The following MACROD2 variants were observed in gnomAD, a reference collection of about 807,000 sequenced individuals.
MACROD2 encodes the protein ADP-ribose glycohydrolase MACROD2.
MACROD2 carries 36 observed loss-of-function variants against 70.4 expected under a neutral mutation model. That is an observed-to-expected ratio of 0.51 (90% CI 0.39 to 0.68). The LOEUF is 0.68. MACROD2 is among the 30% of genes least tolerant of loss of function. The probability of loss-of-function intolerance (pLI) is 0.00; values close to 1 mark genes in which losing one functional copy is unlikely to be tolerated. For missense variants in MACROD2, 496 were observed against 538.4 expected, an observed-to-expected ratio of 0.92 and a Z score of 0.78; for synonymous variants, 172 against 178.8, an observed-to-expected ratio of 0.96 and a Z score of 0.30.
At chr20:15,507,091 A>G (rs967159431) in intron 8 of MACROD2, among the ~76,000 whole-genome samples, 2 of 152,220 alleles carry the variant, frequency 1.3e-5, no homozygotes, top group African/African-American at 4.8e-5. Context: ...AGGTGGAGCC[A>G]TGACACTCAT....
At chr20:15,299,116 C>A (rs1256027023) in intron 6 of MACROD2, among the ~76,000 whole-genome samples, 1 of 152,100 alleles carries the variant, frequency 6.6e-6, no homozygotes, top group East Asian at 1.9e-4. Flanking sequence ...GGTTTGCTGT[C>A]TGGTTATTTT....
At chr20:14,361,328 T>C (rs2083219807) in intron 3 of MACROD2, among the ~76,000 whole-genome samples, 1 of 152,180 alleles carries the variant, frequency 6.6e-6, no homozygotes, top group Non-Finnish European at 1.5e-5. Context: ...AGGGGTTAGT[T>C]TACCACTGTG....
At chr20:15,234,478 A>G (rs1218995833) in intron 6 of MACROD2, among the ~76,000 whole-genome samples, 1 of 152,098 alleles carries the variant, frequency 6.6e-6, no homozygotes, top group East Asian at 1.9e-4. Flanking sequence ...GGGAGCCTAC[A>G]GATTTTCTCT....
intron 12 of MACROD2, among the ~76,000 whole-genome samples, chr20:15,964,935 T>C (rs2066117770): frequency 6.6e-6 from 1 of 152,210 alleles, no homozygotes. Flanking sequence ...TTCACATACG[T>C]GACAGTGAAC....
At position 15,198,549 on chromosome 20, in the gene MACROD2, C is replaced by T. The variant is rs138872669; in HGVS notation, c.419-31391C>T. On this transcript the variant is annotated intron_variant, in intron 5 of 17. Transcript: ENST00000684519. ...AGAGATCACTGGATATACAACTGAG[C>T]GTCTTCATGTTTTCAATAAAATACT... Among the ~76,000 whole-genome samples the T allele has an allele frequency of 2.6e-3, 398 of 152,090 alleles. 2 individuals are homozygous for T. The highest frequency in any genetic ancestry group is 8.7e-3 in the African/African-American group (362 of 41,488).
At chr20:15,215,252 T>TTGTG (rs376439581) in intron 5 of MACROD2, among the ~76,000 whole-genome samples, 7,013 of 135,476 alleles carry the variant, frequency 0.052, 243 homozygotes, top group African/African-American at 0.1. Context: ...CTCCTGTATT[T>TTGTG]TGTGTGTGTG....
At chr20:15,137,181 C>G (rs1601123813) in intron 5 of MACROD2, among the ~76,000 whole-genome samples, 1 of 149,132 alleles carries the variant, frequency 6.7e-6, no homozygotes. Flanking sequence ...ACTAGAAATA[C>G]CATTTGACCC....
At chr20:14,685,481 T>C (rs1843473498) in intron 5 of MACROD2, among the ~76,000 whole-genome samples, 1 of 152,230 alleles carries the variant, frequency 6.6e-6, no homozygotes. Flanking sequence ...TGGTTGTCAG[T>C]GTGAGAATGT....
At chr20:14,479,671 GAGGAACC>G (rs1257505038) in intron 3 of MACROD2, among the ~76,000 whole-genome samples, 2 of 152,074 alleles carry the variant, frequency 1.3e-5, no homozygotes, top group African/African-American at 4.8e-5. Context: ...TGGGTGGGAG[GAGGAACC>G]AGAAAAAACA....
chr20:15,652,711 T>C (rs1173243873), intron 8 of MACROD2, among the ~76,000 whole-genome samples: 3 of 152,160 alleles, frequency 2.0e-5, no homozygotes, highest in African/African-American at 7.2e-5. Context: ...CTTTGACTTT[T>C]GTGGTTTCCT....
intron 8 of MACROD2, among the ~76,000 whole-genome samples, chr20:15,575,708 C>A (rs1315178233): frequency 6.6e-6 from 1 of 152,152 alleles, no homozygotes; most frequent in Non-Finnish European, 1.5e-5. Context: ...GGAAGCATAT[C>A]ATGCCCTGAG....
intron 6 of MACROD2, among the ~76,000 whole-genome samples, chr20:15,396,516 G>T (rs1568774960): frequency 6.6e-6 from 1 of 152,134 alleles, no homozygotes; most frequent in Non-Finnish European, 1.5e-5. Flanking sequence ...TCTTAGAAGA[G>T]GAAGGACAAT....
intron 3 of MACROD2, among the ~76,000 whole-genome samples, chr20:14,416,246 C>T (rs1188667886): frequency 6.6e-5 from 10 of 152,072 alleles, no homozygotes; most frequent in African/African-American, 9.7e-5. Context: ...CGTGAGCCAC[C>T]GCACCCATCC....
intron 3 of MACROD2, among the ~76,000 whole-genome samples, chr20:14,241,377 G>A (rs1237004448): frequency 1.3e-5 from 2 of 152,138 alleles, no homozygotes; most frequent in African/African-American, 4.8e-5. Flanking sequence ...TTTTCATTCA[G>A]ATTGGTGTGT....
At chr20:15,299,806 C>T (rs1434531289) in intron 6 of MACROD2, among the ~76,000 whole-genome samples, 2 of 152,148 alleles carry the variant, frequency 1.3e-5, no homozygotes, top group African/African-American at 2.4e-5. Context: ...ACTGCTGGGT[C>T]CAGACATGGA....
chr20:15,895,147 G>C (rs780788412), intron 10 of MACROD2, among the ~76,000 whole-genome samples: 10 of 152,150 alleles, frequency 6.6e-5, no homozygotes, highest in South Asian at 2.1e-4. Context: ...AATTAAAGAA[G>C]GGAATTCTTC....
chr20:14,920,943 C>A (rs1019534808), intron 5 of MACROD2, among the ~76,000 whole-genome samples: 3 of 152,130 alleles, frequency 2.0e-5, no homozygotes, highest in African/African-American at 7.2e-5. Context: ...ATCCTTAACT[C>A]TTCAAAATGT....
chr20:14,164,544 G>T (rs1218367584), intron 3 of MACROD2, among the ~76,000 whole-genome samples: 1 of 152,132 alleles, frequency 6.6e-6, no homozygotes, highest in Non-Finnish European at 1.5e-5. Flanking sequence ...TGGGACAATT[G>T]TCTGGGACAA....
intron 5 of MACROD2, among the ~76,000 whole-genome samples, chr20:14,737,523 C>T (rs148381758): frequency 0.035 from 5,253 of 152,242 alleles, 128 homozygotes; most frequent in Non-Finnish European, 0.05. Flanking sequence ...CTTGAGGAAT[C>T]GCCACACTGT....
Sources: allele counts gnomAD v4.1 joint callset (sites outside exome capture counted in the v4.1 genomes callset), GRCh38; gene constraint gnomAD v4.1.1; transcripts MANE v1.5; gene names NCBI Gene and HGNC (gene_info 2026-07-23, HGNC 2026-07-21).